The following EYS variants were observed in gnomAD, a reference collection of about 807,000 sequenced individuals.
EYS encodes the protein EGF-like photoreceptor maintenance factor.
EYS carries 250 observed loss-of-function variants against 282.1 expected under a neutral mutation model. The ratio of observed to expected loss-of-function variants is 0.89; its 90% confidence interval spans 0.80 to 0.98. The LOEUF is 0.98. Ranked by LOEUF, EYS falls within the 50% of genes least tolerant of loss-of-function variation. EYS has a pLI of 0.00. For synonymous variants in EYS, 1,355 were observed against 1,282.9 expected (o/e 1.06, Z -1.20); for missense variants, 4,016 against 3,709.0 (o/e 1.08, Z -2.15).
chr6:65,060,743 C>CAT lies in EYS; in HGVS notation c.2024-3018_2024-3017dup, dbSNP rs532091273. Among the ~76,000 whole-genome samples the CAT allele has an allele frequency of 3.3e-3, 491 of 146,570 alleles. 1 individual carries two copies. Among genetic ancestry groups the CAT allele is most frequent in the African/African-American group, 0.011 (430 of 39,672 alleles). On this transcript the variant is annotated intron_variant, in intron 12 of 42. Transcript: ENST00000503581. ...CTGCAGTCAGTTGCATATATAAATA[C>CAT]ATATATATATATGTGTATATACATG...
At chr6:64,409,588 A>G (rs1561979119) in intron 28 of EYS, among the ~76,000 whole-genome samples, 1 of 152,184 alleles carries the variant, frequency 6.6e-6, no homozygotes, top group African/African-American at 2.4e-5. Flanking sequence ...GCCACTGGTC[A>G]TGAGGCTTTG....
intron 11 of EYS, among the ~76,000 whole-genome samples, chr6:65,297,146 A>C (rs1768690432): frequency 6.6e-6 from 1 of 151,444 alleles, no homozygotes; most frequent in Non-Finnish European, 1.5e-5. Flanking sequence ...TAATATATCC[A>C]TATGCATTTC....
chr6:64,205,842 C>CAA (rs1765594241), intron 31 of EYS, among the ~76,000 whole-genome samples: 1 of 150,420 alleles, frequency 6.6e-6, no homozygotes, highest in South Asian at 2.1e-4. Context: ...CACACACACA[C>CAA]ACATATATAT....
chr6:64,615,436 G>A (rs753211371), intron 24 of EYS, among the ~76,000 whole-genome samples: 7 of 151,706 alleles, frequency 4.6e-5, no homozygotes, highest in African/African-American at 1.5e-4. Context: ...CAAATTTAAC[G>A]TGCTACAAAT....
chr6:65,313,498 T>C (rs1233134196), intron 11 of EYS, among the ~76,000 whole-genome samples: 1 of 151,094 alleles, frequency 6.6e-6, no homozygotes, highest in Non-Finnish European at 1.5e-5. Context: ...ATACGGTCTT[T>C]CTGCAGTTTT....
At chr6:65,399,702 G>T (rs190336111) in intron 7 of EYS, among the ~76,000 whole-genome samples, 1 of 151,972 alleles carries the variant, frequency 6.6e-6, no homozygotes, top group Admixed American at 6.6e-5. Flanking sequence ...GTATATTTAC[G>T]TGGAAAGTTT....
At chr6:64,998,462 G>C (rs62416485) in intron 13 of EYS, among the ~76,000 whole-genome samples, 20,701 of 152,150 alleles carry the variant, frequency 0.14, 1,529 homozygotes, top group East Asian at 0.23. Flanking sequence ...TAGGTCTTCA[G>C]TGGCAACAGC....
At chr6:64,585,940 A>G (rs1174218741) in intron 26 of EYS, among the ~76,000 whole-genome samples, 1 of 152,078 alleles carries the variant, frequency 6.6e-6, no homozygotes, top group African/African-American at 2.4e-5. Context: ...TCACATGTCC[A>G]TTTATATACT....
intron 13 of EYS, among the ~76,000 whole-genome samples, chr6:65,042,573 T>G (rs1772971578): frequency 1.3e-5 from 2 of 151,486 alleles, no homozygotes; most frequent in Non-Finnish European, 3.0e-5. Context: ...CTACTACACA[T>G]ATAAGAATTT....
At chr6:64,345,478 T>G (rs982527602) in intron 29 of EYS, among the ~76,000 whole-genome samples, 1 of 152,086 alleles carries the variant, frequency 6.6e-6, no homozygotes, top group Non-Finnish European at 1.5e-5. Context: ...TAAATGGTGC[T>G]GGGAAAACTG....
chr6:64,281,662 T>C (rs1464058743), intron 30 of EYS, among the ~76,000 whole-genome samples: 2 of 152,116 alleles, frequency 1.3e-5, no homozygotes, highest in Non-Finnish European at 2.9e-5. Flanking sequence ...AGAATTGAAA[T>C]TCTATTTAGA....
At chr6:64,426,517 T>TA (rs1327335929) in intron 28 of EYS, among the ~76,000 whole-genome samples, 1 of 152,154 alleles carries the variant, frequency 6.6e-6, no homozygotes, top group Non-Finnish European at 1.5e-5. Flanking sequence ...AGGTGCTGTG[T>TA]TGCAGCTGAG....
chr6:63,969,074 T>A (rs1233638093), intron 35 of EYS, among the ~76,000 whole-genome samples: 1 of 152,242 alleles, frequency 6.6e-6, no homozygotes, highest in African/African-American at 2.4e-5. Flanking sequence ...CTGAGTGTTT[T>A]CACAGTGATA....
At chr6:64,893,776 C>A (rs561896092) in intron 18 of EYS, among the ~76,000 whole-genome samples, 86 of 151,836 alleles carry the variant, frequency 5.7e-4, no homozygotes, top group Middle Eastern at 3.5e-3. Flanking sequence ...GGAAAACACA[C>A]AAAACATATT....
chr6:64,039,342 T>C (rs573311570), intron 33 of EYS, among the ~76,000 whole-genome samples: 44 of 152,316 alleles, frequency 2.9e-4, no homozygotes, highest in African/African-American at 8.9e-4. Context: ...TCAAGTCAAC[T>C]GCTTAAAGGA....
chr6:64,414,846 A>T (rs766262771), intron 28 of EYS, among the ~76,000 whole-genome samples: 1 of 152,164 alleles, frequency 6.6e-6, no homozygotes, highest in African/African-American at 2.4e-5. Flanking sequence ...CATAACAAAA[A>T]GTCAGTGATA....
At chr6:64,572,897 T>G (rs2149818633) in intron 26 of EYS, among the ~76,000 whole-genome samples, 1 of 151,614 alleles carries the variant, frequency 6.6e-6, no homozygotes, top group South Asian at 2.1e-4. Flanking sequence ...CTGTTGACTT[T>G]CTTTACAAAA....
At chr6:63,848,299 A>G (rs1371705975) in intron 36 of EYS, among the ~76,000 whole-genome samples, 1 of 152,114 alleles carries the variant, frequency 6.6e-6, no homozygotes, top group African/African-American at 2.4e-5. Context: ...ATGAGCTTAG[A>G]GAATTTAAGT....
chr6:64,365,602 A>G (rs1772157335), intron 29 of EYS, among the ~76,000 whole-genome samples: 1 of 152,022 alleles, frequency 6.6e-6, no homozygotes. Context: ...ATTCATTTGT[A>G]CAGTAGTCCC....
Sources: allele counts gnomAD v4.1 joint callset (sites outside exome capture counted in the v4.1 genomes callset), GRCh38; gene constraint gnomAD v4.1.1; transcripts MANE v1.5; gene names NCBI Gene and HGNC (gene_info 2026-07-23, HGNC 2026-07-21).